BAZ1A: variants seen among roughly 807,000 people sequenced by gnomAD.
BAZ1A encodes bromodomain adjacent to zinc finger domain protein 1A.
A neutral mutation model predicts 185.2 loss-of-function variants in BAZ1A; 50 were observed. That is an observed-to-expected ratio of 0.27 (90% CI 0.22 to 0.34). The LOEUF (loss-of-function observed/expected upper bound fraction) is 0.34, where lower values mean the gene tolerates loss of function less well. Ranked by LOEUF, BAZ1A falls within the 10% of genes least tolerant of loss-of-function variation. The pLI is 1.00. For synonymous variants in BAZ1A, 571 were observed against 615.6 expected, an observed-to-expected ratio of 0.93 and a Z score of 1.07; for missense variants, 1,356 against 1,839.9, an observed-to-expected ratio of 0.74 and a Z score of 4.81.
At chr14:34,794,697 C>A in intron 11 of BAZ1A, 52 bp downstream of exon 11, 1 of 1,559,458 alleles carries the variant, frequency 6.4e-7, no homozygotes, top group Non-Finnish European at 8.7e-7. Flanking sequence ...TTTTTAAAGC[C>A]ACTAATTTTA....
At chr14:34,817,802 G>A (rs569530856) in intron 4 of BAZ1A, among the ~76,000 whole-genome samples, 7 of 152,274 alleles carry the variant, frequency 4.6e-5, no homozygotes, top group Non-Finnish European at 7.3e-5. Flanking sequence ...TTTTACACCC[G>A]ATAAGGATGA....
intron 9 of BAZ1A, among the ~76,000 whole-genome samples, chr14:34,798,218 G>A (rs1344103294): frequency 2.0e-5 from 3 of 152,262 alleles, no homozygotes; most frequent in African/African-American, 4.8e-5. Flanking sequence ...GGAGCCCACC[G>A]CAGCTCTGAA....
Position 34,800,270 on chromosome 14 carries a change from A to T in BAZ1A, c.1082T>A (p.Leu361Gln). 7.0e-7 allele frequency: 1 copy of T among 1,424,300 alleles called. No homozygotes were observed. Among genetic ancestry groups the T allele is most frequent in the Non-Finnish European group, 9.5e-7 (1 of 1,050,666 alleles). The allele number at this position is 1,424,300 out of a possible 1,614,324, so 88.2% of individuals were successfully genotyped here. Reference sequence around the variant, plus strand: ...CCTCTCTTTTTCTTCTTTTTTCTTTAGTCTCTCTTCTTCAACAATTTTTTT... The same window carrying T: ...CCTCTCTTTTTCTTCTTTTTTCTTTTGTCTCTCTTCTTCAACAATTTTTTT... ...ELKKIVEEER[L>Q]KKKEEKERLK... The change falls in exon 9 of 27, where the codon CTA (leucine) becomes CAA (glutamine). Residue 361 changes from leucine (L) to glutamine (Q), a missense_variant. Leu to Gln is a moderately radical substitution (Grantham distance 113). Coordinates refer to ENST00000360310, the MANE Select transcript of BAZ1A (RefSeq NM_013448.3).
intron 3 of BAZ1A, among the ~76,000 whole-genome samples, chr14:34,853,074 T>C (rs946997049): frequency 4.6e-5 from 7 of 152,166 alleles, no homozygotes; most frequent in Non-Finnish European, 8.8e-5. Context: ...CTTCTTTTGA[T>C]CTGTTTCCTC....
intron 6 of BAZ1A, among the ~76,000 whole-genome samples, 168 bp from the exon 7 acceptor site, chr14:34,803,156 G>A (rs1366716079): frequency 6.6e-6 from 1 of 152,032 alleles, no homozygotes; most frequent in African/African-American, 2.4e-5. Flanking sequence ...CGAGGCGGGC[G>A]GATCATGAGG....
intron 25 of BAZ1A, among the ~76,000 whole-genome samples, 180 bp from the exon 26 acceptor site, chr14:34,755,094 T>G (rs1199415090): frequency 6.6e-6 from 1 of 152,198 alleles, no homozygotes. Context: ...TATACAGATA[T>G]ATATCTATAT....
At chr14:34,798,096 C>T (rs553698228) in intron 9 of BAZ1A, among the ~76,000 whole-genome samples, 18 of 152,352 alleles carry the variant, frequency 1.2e-4, no homozygotes, top group South Asian at 2.1e-4. Flanking sequence ...GATCGACCTG[C>T]GAGGCAGTAG....
At chr14:34,770,877 AC>A (rs1254688303) in intron 21 of BAZ1A, among the ~76,000 whole-genome samples, 9 of 152,170 alleles carry the variant, frequency 5.9e-5, no homozygotes, top group African/African-American at 2.4e-5. Context: ...ATATCATCAA[AC>A]TATGCCCCAA....
intron 3 of BAZ1A, among the ~76,000 whole-genome samples, chr14:34,857,991 T>G (rs2042708800): frequency 6.6e-6 from 1 of 152,232 alleles, no homozygotes; most frequent in South Asian, 2.1e-4. Context: ...TTATTTATAC[T>G]TCAACAAATA....
intron 4 of BAZ1A, among the ~76,000 whole-genome samples, chr14:34,815,143 T>C (rs938928064): frequency 6.6e-6 from 1 of 152,226 alleles, no homozygotes; most frequent in African/African-American, 2.4e-5. Flanking sequence ...AATTATCTTT[T>C]ACTTTTCTTG....
chr14:34,833,267 G>A (rs2042278599), intron 3 of BAZ1A, among the ~76,000 whole-genome samples: 1 of 152,050 alleles, frequency 6.6e-6, no homozygotes. Context: ...GGTGGCTCAC[G>A]CCTGTAACCC....
At chr14:34,785,607 TAA>T (rs926207542) in intron 14 of BAZ1A, among the ~76,000 whole-genome samples, 168 bp downstream of exon 14, 11 of 152,140 alleles carry the variant, frequency 7.2e-5, no homozygotes, top group Non-Finnish European at 1.5e-5. Context: ...AAAATCCAAA[TAA>T]AAAAGACAAT....
intron 17 of BAZ1A, among the ~76,000 whole-genome samples, chr14:34,779,363 T>C (rs988906212): frequency 2.0e-5 from 3 of 150,702 alleles, no homozygotes; most frequent in African/African-American, 7.3e-5. Flanking sequence ...ATTAGTTTGA[T>C]TCGTTTTAAA....
rs556283849 is a variant in BAZ1A, at chr14:34,874,970, C to T, written c.-59+168G>A. The stretch of plus-strand genomic sequence containing the variant: ...CCCCTCCCCCAGCGCCGGCTCCTCG[C>T]CCGCCGCCGCCGCCAGGCTCACAAC... On this transcript the variant is annotated intron_variant, in intron 1 of 26. Transcript: ENST00000360310. The surrounding 1 kb of genome is among the most constrained non-coding windows in gnomAD (Gnocchi z 4.7). The T allele has an allele frequency of 2.0e-5, 3 of 149,752 alleles. No homozygotes were observed. Among genetic ancestry groups the T allele is most frequent in the Non-Finnish European group, 4.4e-5 (3 of 67,450 alleles). 9.3% of individuals were successfully genotyped at this position (149,752 alleles called of 1,614,324 possible).
At chr14:34,767,911 T>C (rs1959152) in intron 21 of BAZ1A, among the ~76,000 whole-genome samples, 114,009 of 152,134 alleles carry the variant, frequency 0.75, 43,646 homozygotes, top group East Asian at 0.97. Flanking sequence ...ATTTGATTAA[T>C]GGGGTGGTTT....
chr14:34,806,675 T>C (rs1020750834), intron 6 of BAZ1A, among the ~76,000 whole-genome samples: 1 of 152,174 alleles, frequency 6.6e-6, no homozygotes, highest in African/African-American at 2.4e-5. Flanking sequence ...GACTTTTTCC[T>C]CTCTTAATGG....
At chr14:34,825,971 G>A (rs1282673799) in intron 4 of BAZ1A, 42 bp downstream of exon 4, 1 of 1,483,430 alleles carries the variant, frequency 6.7e-7, no homozygotes, top group Non-Finnish European at 9.0e-7. Context: ...ATATCATTAG[G>A]CAATCTGCCA....
rs59459941 is a variant in BAZ1A, at chr14:34,824,376, TAA to T, written c.536+1635_536+1636del. Among the ~76,000 whole-genome samples, 8 of 27,698 alleles carry T rather than the reference TAA, an allele frequency of 2.9e-4. No homozygotes were observed. In the East Asian group the frequency reaches 9.3e-3, roughly 32 times the overall value. The allele number at this position is 27,698 out of a possible 152,430, so 18.2% of individuals were successfully genotyped here. ...ACAACAGAACAGGACTCCATCTCTTTAAAAAAAAAAAAAAAAAAAAAAGCAGC... is the reference window on the plus strand; with the variant it reads ...ACAACAGAACAGGACTCCATCTCTTTAAAAAAAAAAAAAAAAAAAAGCAGC... On this transcript the variant is annotated intron_variant, in intron 4 of 26. Transcript: ENST00000360310.
chr14:34,773,681 A>G lies in BAZ1A; in HGVS notation c.3043T>C (p.Tyr1015His). The G allele has an allele frequency of 6.2e-7, 1 of 1,613,660 alleles. No homozygotes were observed. Among genetic ancestry groups the G allele is most frequent in the Non-Finnish European group, 8.5e-7 (1 of 1,179,878 alleles). The change falls in exon 20 of 27, where the codon TAT (tyrosine) becomes CAT (histidine). Residue 1015 changes from tyrosine (Y) to histidine (H), a missense_variant. Transcript: ENST00000360310. Reference sequence around the variant, plus strand: ...TTGTTTTCCTCACTTAACAGCTCATACCGTCCACTTTCTAATGCTGATCTC... The same window carrying G: ...TTGTTTTCCTCACTTAACAGCTCATGCCGTCCACTTTCTAATGCTGATCTC... ...IWRSALESGR[Y>H]ELLSEENKEN...
Sources: gnomAD v4.1 joint callset for allele counts (sites outside exome capture counted in the v4.1 genomes callset) on GRCh38, gnomAD v4.1.1 for gene constraint, Gnocchi (gnomAD v3.1) non-coding constraint, MANE v1.5 for transcripts, NCBI Gene and HGNC (gene_info 2026-07-23, HGNC 2026-07-21) for gene names.